The following C4orf50 variants were observed in gnomAD, a reference collection of about 807,000 sequenced individuals.
C4orf50 encodes the protein uncharacterized protein C4orf50.
Under a neutral mutation model 77.2 loss-of-function variants are expected in C4orf50, and 80 were observed. The observed-to-expected ratio is 1.04, with a 90% CI of 0.87 to 1.25. The LOEUF is 1.25. C4orf50 is among the 50% of genes most tolerant of loss of function. The pLI, the probability that C4orf50 is intolerant of heterozygous loss-of-function variation, is 0.00. For missense variants in C4orf50, 1,257 were observed against 1,152.9 expected (o/e 1.09, Z -1.31); for synonymous variants, 532 against 465.3 (o/e 1.14, Z -1.84).
At chr4:5,959,550 G>A (rs1390538991) in exon 34 of C4orf50, 2 of 1,614,166 alleles carry the variant, frequency 1.2e-6, no homozygotes, top group South Asian at 1.1e-5. Context: ...CAGACGTTGT[G>A]CGGGGAGACC....
Position 6,011,300 on chromosome 4 carries a change from G to C in C4orf50, c.426+530C>G, listed in dbSNP as rs115811570. On this transcript the variant is annotated intron_variant, in intron 24 of 33. Transcript: ENST00000531445. The surrounding 1 kb of genome is among the most constrained non-coding windows in gnomAD (Gnocchi z 4.2). ...GACTCACCCACTCCGTCCCCAGCAC[G>C]GTGATATCCTCTGTGTTCTCCCACA... Among the ~76,000 whole-genome samples, 6 of 152,050 alleles carry C rather than the reference G, an allele frequency of 3.9e-5. No individual in the cohort carries two copies. Among genetic ancestry groups the C allele is most frequent in the Non-Finnish European group, 8.8e-5 (6 of 68,006 alleles).
intron 7 of C4orf50, among the ~76,000 whole-genome samples, chr4:5,918,500 G>C (rs958624377): frequency 6.6e-6 from 1 of 152,198 alleles, no homozygotes; most frequent in Non-Finnish European, 1.5e-5. Flanking sequence ...TCATTCACTG[G>C]TCATGAACTG....
At chr4:5,980,604 G>A (rs944168541) in intron 28 of C4orf50, among the ~76,000 whole-genome samples, 1 of 152,094 alleles carries the variant, frequency 6.6e-6, no homozygotes, top group African/African-American at 2.4e-5. Flanking sequence ...ATAGGAGTGG[G>A]TGGTTCTGCT....
chr4:5,925,005 G>A (rs1717449761), intron 7 of C4orf50, among the ~76,000 whole-genome samples: 2 of 152,082 alleles, frequency 1.3e-5, no homozygotes, highest in African/African-American at 4.8e-5. Flanking sequence ...AAGGGGAGTG[G>A]GAGAGGTTTG....
exon 34 of C4orf50, chr4:5,957,780 G>A (rs894521735): frequency 2.0e-5 from 3 of 152,164 alleles, no homozygotes; most frequent in African/African-American, 7.2e-5. Flanking sequence ...GAATTTAAAG[G>A]GTGGAACTCA....
chr4:5,921,136 A>G (rs1250538367), intron 7 of C4orf50, among the ~76,000 whole-genome samples: 1 of 152,170 alleles, frequency 6.6e-6, no homozygotes, highest in Non-Finnish European at 1.5e-5. Context: ...CTCCCCATCC[A>G]TTGCTGGGCC....
Position 5,992,667 on chromosome 4 carries a change from A to G in C4orf50, c.1221+136T>C. 1 of 381,096 alleles carries G rather than the reference A, an allele frequency of 2.6e-6. No individual in the cohort carries two copies. Among genetic ancestry groups the G allele is most frequent in the Non-Finnish European group, 4.6e-6 (1 of 215,946 alleles). The allele number at this position is 381,096 out of a possible 1,614,324, so 23.6% of individuals were successfully genotyped here. A position where few individuals can be genotyped will look rare whatever the true frequency, so the allele number is the denominator to read the frequency against. On this transcript the variant is annotated intron_variant, in intron 27 of 33. Transcript: ENST00000531445. The surrounding 1 kb of genome is among the most constrained non-coding windows in gnomAD (Gnocchi z 5.0). ...CTCTCCTCAAATCTCTCTCTCAACTACTTCCAGAATGTTCTCCCAGACCTG... is the reference window on the plus strand; with the variant it reads ...CTCTCCTCAAATCTCTCTCTCAACTGCTTCCAGAATGTTCTCCCAGACCTG...
chr4:5,936,498 G>C (rs1432158771), intron 7 of C4orf50, among the ~76,000 whole-genome samples: 3 of 147,536 alleles, frequency 2.0e-5, no homozygotes, highest in East Asian at 2.0e-4. Context: ...GGAGGTGAAG[G>C]CTGCAGTGAG....
chr4:5,908,602 T>G lies in C4orf50; in HGVS notation c.*2475-10414A>C, dbSNP rs1716658402. Among the ~76,000 whole-genome samples the G allele has an allele frequency of 6.6e-6, 1 of 151,612 alleles. No homozygotes were observed. Among genetic ancestry groups the G allele is most frequent in the Non-Finnish European group, 1.5e-5 (1 of 67,928 alleles). ...GGGAAAGCCCTGGGGTATCAGAAAA[T>G]GAGGGCAAAAATGGGGACACTAGTC... On this transcript the variant is annotated intron_variant, in intron 7 of 7. Coordinates refer to the C4orf50 transcript ENST00000324058. This position sits in a 1 kb window ranked among gnomAD's most constrained non-coding sequence, Gnocchi z 5.6.
intron 7 of C4orf50, among the ~76,000 whole-genome samples, chr4:5,917,323 A>G (rs1333492690): frequency 1.3e-5 from 2 of 152,178 alleles, no homozygotes; most frequent in Non-Finnish European, 2.9e-5. Flanking sequence ...GTATAACTGA[A>G]AAATATACAT....
At chr4:5,964,190 G>C (rs1247028192) in intron 33 of C4orf50, among the ~76,000 whole-genome samples, 6 of 152,164 alleles carry the variant, frequency 3.9e-5, no homozygotes, top group Non-Finnish European at 8.8e-5. Context: ...GCAGGAAGGA[G>C]CCAGCTGAGA....
chr4:6,003,944 T>A lies in C4orf50; in HGVS notation c.963+4052A>T, dbSNP rs796250635. Among the ~76,000 whole-genome samples the A allele has an allele frequency of 0.012, 150 of 12,800 alleles. 1 individual carries two copies. In the East Asian group the frequency reaches 0.13, roughly 11 times the overall value. 8.4% of individuals were successfully genotyped at this position (12,800 alleles called of 152,430 possible). A position where few individuals can be genotyped will look rare whatever the true frequency, so the allele number is the denominator to read the frequency against. ...GTGGTGATGGTGATGATGGTGATGG[T>A]GATGATGGTGATGGTGATGATGTGA... On this transcript the variant is annotated intron_variant, in intron 25 of 33. Transcript: ENST00000531445.
At chr4:5,975,920 C>T (rs147474906) in exon 30 of C4orf50, 2 of 1,613,948 alleles carry the variant, frequency 1.2e-6, no homozygotes, top group Non-Finnish European at 1.7e-6. Context: ...TCACTGCCAA[C>T]TTTGCTTCAT....
At chr4:5,961,820 C>CT (rs76425818) in intron 33 of C4orf50, among the ~76,000 whole-genome samples, 10,946 of 151,456 alleles carry the variant, frequency 0.072, 1,304 homozygotes, top group African/African-American at 0.25. Flanking sequence ...CTCTCTTCTC[C>CT]TTTTTTTTTG....
chr4:5,997,294 G>A (rs1397379074), intron 25 of C4orf50, among the ~76,000 whole-genome samples: 1 of 152,200 alleles, frequency 6.6e-6, no homozygotes, highest in South Asian at 2.1e-4. Context: ...CTACTATGTG[G>A]CAGGCCCTGT....
chr4:5,919,277 A>G lies in C4orf50; in HGVS notation c.*2475-21089T>C, dbSNP rs1361154350. On this transcript the variant is annotated intron_variant, in intron 7 of 7. Coordinates refer to the C4orf50 transcript ENST00000324058. The surrounding 1 kb of genome is among the most constrained non-coding windows in gnomAD (Gnocchi z 6.5). ...CCCAGGCTTGAGGGTTGGCAGACCC[A>G]ATGCCCGATTTCCATGGCTACCACA... 6.6e-6 allele frequency among the ~76,000 whole-genome samples: 1 copy of G among 152,176 alleles called. No homozygotes were observed. The highest frequency in any genetic ancestry group is 2.4e-5 in the African/African-American group (1 of 41,450).
Position 6,015,503 on chromosome 4 carries a change from T to TTATA in C4orf50, c.287+2638_287+2641dup, listed in dbSNP as rs1722649475. ...CAGGTCTGCAAATAATGCCATTTCA[T>TTATA]TATAATGTTGATGAGAAAAAAAAAG... On this transcript the variant is annotated intron_variant, in intron 23 of 33. Coordinates refer to ENST00000531445, the Ensembl canonical transcript of C4orf50. The surrounding 1 kb of genome is among the most constrained non-coding windows in gnomAD (Gnocchi z 4.4). Among the ~76,000 whole-genome samples, 1 of 120,406 alleles carries TTATA rather than the reference T, an allele frequency of 8.3e-6. No individual in the cohort carries two copies. Among genetic ancestry groups the TTATA allele is most frequent in the Admixed American group, 9.3e-5 (1 of 10,788 alleles). The allele number at this position is 120,406 out of a possible 152,430, so 79.0% of individuals were successfully genotyped here.
chr4:5,994,498 C>G (rs1297305145), intron 25 of C4orf50, 22 bp from the exon 4 acceptor site: 1 of 398,994 alleles, frequency 2.5e-6, no homozygotes. Flanking sequence ...CAGAGGAAGT[C>G]AGGAGCCGTC....
intron 7 of C4orf50, among the ~76,000 whole-genome samples, chr4:5,917,863 C>T (rs918440786): frequency 2.6e-5 from 4 of 152,064 alleles, no homozygotes; most frequent in East Asian, 1.9e-4. Flanking sequence ...ATCCTGCCTT[C>T]GACTTCCATA....
Sources: gnomAD v4.1 joint callset for allele counts (sites outside exome capture counted in the v4.1 genomes callset) on GRCh38, gnomAD v4.1.1 for gene constraint, Gnocchi (gnomAD v3.1) non-coding constraint, MANE v1.5 for transcripts, NCBI Gene and HGNC (gene_info 2026-07-23, HGNC 2026-07-21) for gene names.